Variants in SGCZ observed in about 807,000 individuals in gnomAD.
SGCZ encodes the protein zeta-sarcoglycan.
In SGCZ, 40 loss-of-function variants were observed where a neutral mutation model predicts 41.3. That is an observed-to-expected ratio of 0.97 (90% CI 0.75 to 1.26). The LOEUF (loss-of-function observed/expected upper bound fraction) is 1.26. Ranked by LOEUF, SGCZ falls within the 50% of genes most tolerant of loss-of-function variation. The pLI, the probability that SGCZ is intolerant of heterozygous loss-of-function variation, is 0.00. For synonymous variants in SGCZ, 206 were observed against 137.5 expected, an observed-to-expected ratio of 1.50 and a Z score of -3.49; for missense variants, 552 against 369.8, an observed-to-expected ratio of 1.49 and a Z score of -4.04.
chr8:14,160,490 T>C (rs1336198270), intron 5 of SGCZ, among the ~76,000 whole-genome samples: 1 of 152,114 alleles, frequency 6.6e-6, no homozygotes, highest in Admixed American at 6.5e-5. Context: ...AAAAATATAG[T>C]TTTCAATTGT....
intron 2 of SGCZ, among the ~76,000 whole-genome samples, chr8:14,503,695 G>C (rs879450531): frequency 6.6e-6 from 1 of 151,138 alleles, no homozygotes; most frequent in African/African-American, 2.4e-5. Context: ...TTGAACCTGG[G>C]AGGTGGAGGT....
intron 1 of SGCZ, among the ~76,000 whole-genome samples, chr8:15,048,950 T>A (rs1804413558): frequency 1.3e-5 from 2 of 152,098 alleles, no homozygotes; most frequent in African/African-American, 4.8e-5. Context: ...CAAATAAAAT[T>A]GACCAAGACA....
At chr8:14,952,990 G>A (rs1428616470) in intron 1 of SGCZ, among the ~76,000 whole-genome samples, 1 of 152,092 alleles carries the variant, frequency 6.6e-6, no homozygotes. Context: ...GGTGGATTTT[G>A]CTGATCAGGG....
chr8:14,778,973 T>C (rs1277006225), intron 1 of SGCZ, among the ~76,000 whole-genome samples: 2 of 152,332 alleles, frequency 1.3e-5, no homozygotes, highest in Middle Eastern at 3.4e-3. Flanking sequence ...CCTAGACATA[T>C]GTGCAAGAGT....
At chr8:15,009,809 G>T (rs1228782398) in intron 1 of SGCZ, among the ~76,000 whole-genome samples, 1 of 152,086 alleles carries the variant, frequency 6.6e-6, no homozygotes, top group African/African-American at 2.4e-5. Flanking sequence ...ATATGGATAA[G>T]CCTCTGTCCA....
At chr8:14,275,442 G>A (rs1346811293) in intron 3 of SGCZ, among the ~76,000 whole-genome samples, 4 of 152,050 alleles carry the variant, frequency 2.6e-5, no homozygotes, top group Non-Finnish European at 4.4e-5. Context: ...CTTTCCCTTG[G>A]CTGGGGCCTG....
At chr8:14,978,204 A>C (rs1057250882) in intron 1 of SGCZ, among the ~76,000 whole-genome samples, 1 of 149,076 alleles carries the variant, frequency 6.7e-6, no homozygotes, top group African/African-American at 2.4e-5. Context: ...GTGGTGGCTC[A>C]CACCTGTAAT....
At chr8:14,640,057 G>C (rs890595729) in intron 1 of SGCZ, among the ~76,000 whole-genome samples, 1 of 151,552 alleles carries the variant, frequency 6.6e-6, no homozygotes, top group Non-Finnish European at 1.5e-5. Flanking sequence ...CTTAATAAAA[G>C]TCTTCTATTA....
chr8:14,380,658 C>T (rs1225183934), intron 2 of SGCZ, among the ~76,000 whole-genome samples: 1 of 152,044 alleles, frequency 6.6e-6, no homozygotes, highest in Admixed American at 6.6e-5. Context: ...TCGAGACCAC[C>T]CTGGCCAACA....
chr8:14,895,668 T>A (rs919342083), intron 1 of SGCZ, among the ~76,000 whole-genome samples: 8 of 152,210 alleles, frequency 5.3e-5, no homozygotes, highest in African/African-American at 1.9e-4. Flanking sequence ...TTAATAATTT[T>A]TAACTTCTAC....
At chr8:15,091,190 T>C (rs1216945056) in intron 1 of SGCZ, among the ~76,000 whole-genome samples, 1 of 152,202 alleles carries the variant, frequency 6.6e-6, no homozygotes, top group East Asian at 1.9e-4. Flanking sequence ...CAAACTTTTA[T>C]TTATTTTTCT....
intron 2 of SGCZ, among the ~76,000 whole-genome samples, chr8:14,519,653 G>C (rs1479381139): frequency 6.6e-6 from 1 of 152,010 alleles, no homozygotes; most frequent in Non-Finnish European, 1.5e-5. Flanking sequence ...ACCTTTCTTC[G>C]TGTATATTTA....
chr8:14,286,368 C>T (rs918771212), intron 3 of SGCZ, among the ~76,000 whole-genome samples: 3 of 152,096 alleles, frequency 2.0e-5, no homozygotes, highest in African/African-American at 4.8e-5. Context: ...ATTCTCTGAC[C>T]TCCAATTACA....
chr8:14,728,180 G>T (rs1341187062), intron 1 of SGCZ, among the ~76,000 whole-genome samples: 1 of 152,076 alleles, frequency 6.6e-6, no homozygotes, highest in Non-Finnish European at 1.5e-5. Context: ...ATGTCAAAAT[G>T]CATCGAAGCA....
chr8:14,693,328 G>C (rs1455249456), intron 1 of SGCZ, among the ~76,000 whole-genome samples: 1 of 142,994 alleles, frequency 7.0e-6, no homozygotes, highest in African/African-American at 2.6e-5. Flanking sequence ...ATCTTGCTCT[G>C]TCACCCAGAC....
chr8:14,862,535 GATATATATATATATATAT>G (rs59769861), intron 1 of SGCZ, among the ~76,000 whole-genome samples: 840 of 61,586 alleles, frequency 0.014, 19 homozygotes, highest in African/African-American at 0.037. Context: ...GCATCTTTAA[GATATATATATATATATAT>G]ATATATATAT....
intron 2 of SGCZ, among the ~76,000 whole-genome samples, chr8:14,428,896 T>G (rs541238894): frequency 6.6e-6 from 1 of 152,358 alleles, no homozygotes; most frequent in South Asian, 2.1e-4. Flanking sequence ...GCTCACAACA[T>G]GCTTTCATAG....
At chr8:14,817,535 C>T (rs954760181) in intron 1 of SGCZ, among the ~76,000 whole-genome samples, 3 of 152,120 alleles carry the variant, frequency 2.0e-5, no homozygotes, top group African/African-American at 7.2e-5. Flanking sequence ...CCCTAGGGAT[C>T]AGTTTCAACT....
intron 1 of SGCZ, among the ~76,000 whole-genome samples, chr8:15,166,075 T>C (rs946432647): frequency 3.9e-5 from 6 of 152,314 alleles, no homozygotes; most frequent in Admixed American, 3.9e-4. Context: ...GAACATTTAA[T>C]AGCCTTCCCA....
Sources: gnomAD v4.1 joint callset for allele counts (sites outside exome capture counted in the v4.1 genomes callset) on GRCh38, gnomAD v4.1.1 for gene constraint, MANE v1.5 for transcripts, NCBI Gene and HGNC (gene_info 2026-07-23, HGNC 2026-07-21) for gene names.